Variants in FOXP1 observed in about 807,000 individuals in gnomAD.
FOXP1 encodes the protein forkhead box protein P1.
Under a neutral mutation model 98.2 loss-of-function variants are expected in FOXP1, and 15 were observed. The ratio of observed to expected loss-of-function variants is 0.15; its 90% CI spans 0.10 to 0.24. The LOEUF (loss-of-function observed/expected upper bound fraction) is 0.24, where lower values mean the gene tolerates loss of function less well. Among genes scored for constraint, FOXP1 ranks in the 10% least tolerant of loss-of-function variants. FOXP1 has a pLI of 1.00. For synonymous variants in FOXP1, 371 were observed against 314.5 expected, an observed-to-expected ratio of 1.18 and a Z score of -1.90; for missense variants, 633 against 848.5, an observed-to-expected ratio of 0.75 and a Z score of 3.15.
chr3:71,216,874 T>G (rs1353231927), intron 5 of FOXP1, among the ~76,000 whole-genome samples: 2 of 152,058 alleles, frequency 1.3e-5, no homozygotes, highest in Non-Finnish European at 2.9e-5. Flanking sequence ...GAGGACCATT[T>G]TGGTTGTCAC....
chr3:71,375,764 T>C (rs2079667257), intron 3 of FOXP1, among the ~76,000 whole-genome samples: 1 of 152,222 alleles, frequency 6.6e-6, no homozygotes, highest in African/African-American at 2.4e-5. Flanking sequence ...GTTGTTGATA[T>C]AAACAAAGCT....
chr3:71,041,759 T>C (rs573930346), intron 10 of FOXP1, among the ~76,000 whole-genome samples: 1 of 152,018 alleles, frequency 6.6e-6, no homozygotes, highest in East Asian at 1.9e-4. Context: ...AAGACTCAGG[T>C]GAAAGTGACT....
intron 11 of FOXP1, among the ~76,000 whole-genome samples, chr3:71,037,971 A>G (rs1159720129): frequency 2.0e-5 from 3 of 152,246 alleles, no homozygotes; most frequent in African/African-American, 7.2e-5. Context: ...TGATTTAATT[A>G]TAATTTTCCT....
chr3:70,993,577 G>C (rs1426513963), intron 13 of FOXP1, among the ~76,000 whole-genome samples: 1 of 152,214 alleles, frequency 6.6e-6, no homozygotes, highest in African/African-American at 2.4e-5. Context: ...GACTCTAAGA[G>C]GCCAGTGATA....
At chr3:71,365,930 C>G (rs1016888397) in intron 3 of FOXP1, among the ~76,000 whole-genome samples, 36 of 152,250 alleles carry the variant, frequency 2.4e-4, no homozygotes, top group African/African-American at 8.4e-4. Context: ...TTGCAGTGAG[C>G]CCACTGCACT....
At chr3:71,157,465 C>A (rs1044147790) in intron 6 of FOXP1, among the ~76,000 whole-genome samples, 2 of 152,106 alleles carry the variant, frequency 1.3e-5, no homozygotes, top group Non-Finnish European at 2.9e-5. Flanking sequence ...ACCTGCCCCA[C>A]AAAAAGGTGA....
At chr3:71,522,856 G>T (rs2043097315) in intron 2 of FOXP1, among the ~76,000 whole-genome samples, 1 of 152,156 alleles carries the variant, frequency 6.6e-6, no homozygotes, top group South Asian at 2.1e-4. Context: ...CTTTCCCATG[G>T]TTTTCCTTTC....
intron 2 of FOXP1, among the ~76,000 whole-genome samples, chr3:71,557,911 G>A (rs2046254659): frequency 6.6e-6 from 1 of 152,186 alleles, no homozygotes; most frequent in African/African-American, 2.4e-5. Flanking sequence ...CTGCCTCCCA[G>A]GTTCACGTGA....
intron 7 of FOXP1, among the ~76,000 whole-genome samples, chr3:71,097,358 T>C (rs2056560594): frequency 6.6e-6 from 1 of 152,214 alleles, no homozygotes; most frequent in Non-Finnish European, 1.5e-5. Context: ...CTATGGATAC[T>C]TTTACATGAC....
chr3:71,165,794 C>G (rs2061372512), intron 6 of FOXP1, among the ~76,000 whole-genome samples: 1 of 152,090 alleles, frequency 6.6e-6, no homozygotes, highest in Non-Finnish European at 1.5e-5. Context: ...CCACGAACCA[C>G]TTGGAGGTCT....
intron 7 of FOXP1, among the ~76,000 whole-genome samples, chr3:71,055,295 T>C (rs996169636): frequency 2.6e-5 from 4 of 152,280 alleles, no homozygotes; most frequent in East Asian, 1.9e-4. Flanking sequence ...GTTTCATGTG[T>C]GGGGATGTTG....
At chr3:71,443,442 C>G (rs2086129097) in intron 3 of FOXP1, among the ~76,000 whole-genome samples, 1 of 152,210 alleles carries the variant, frequency 6.6e-6, no homozygotes, top group African/African-American at 2.4e-5. Flanking sequence ...ACGTATTCCG[C>G]CTATCTAACC....
chr3:71,024,949 CT>C (rs1314064696), intron 11 of FOXP1, among the ~76,000 whole-genome samples: 2 of 152,156 alleles, frequency 1.3e-5, no homozygotes, highest in Non-Finnish European at 2.9e-5. Context: ...CAGGGCATGG[CT>C]CATGGCCAGT....
At chr3:71,383,642 G>C (rs2080345880) in intron 3 of FOXP1, among the ~76,000 whole-genome samples, 1 of 152,088 alleles carries the variant, frequency 6.6e-6, no homozygotes, top group Non-Finnish European at 1.5e-5. Context: ...AGAAAAAGCA[G>C]GGGTGTCTGT....
At chr3:71,481,366 T>G (rs1259811956) in intron 3 of FOXP1, among the ~76,000 whole-genome samples, 2 of 152,230 alleles carry the variant, frequency 1.3e-5, no homozygotes, top group African/African-American at 4.8e-5. Context: ...AAAGCCCAAA[T>G]TGTCTGGCCA....
chr3:71,487,635 G>T (rs767070204), intron 3 of FOXP1, among the ~76,000 whole-genome samples: 2 of 152,142 alleles, frequency 1.3e-5, no homozygotes, highest in Non-Finnish European at 2.9e-5. Context: ...ACAGAAAAGG[G>T]GAACTATAAA....
intron 5 of FOXP1, among the ~76,000 whole-genome samples, chr3:71,268,154 G>A (rs1182456142): frequency 2.6e-4 from 34 of 131,870 alleles, no homozygotes; most frequent in Non-Finnish European, 4.2e-4. Flanking sequence ...GCAGTGGCAC[G>A]ATCTCGGCTC....
intron 6 of FOXP1, among the ~76,000 whole-genome samples, chr3:71,143,287 G>A (rs2060157350): frequency 6.6e-6 from 1 of 152,294 alleles, no homozygotes; most frequent in Non-Finnish European, 1.5e-5. Context: ...CTAGAAAAGA[G>A]AAGAAGCATT....
At chr3:71,412,170 C>A (rs1201856386) in intron 3 of FOXP1, among the ~76,000 whole-genome samples, 1 of 152,086 alleles carries the variant, frequency 6.6e-6, no homozygotes, top group African/African-American at 2.4e-5. Flanking sequence ...AGGGACAGGT[C>A]GCATGGTGTA....
Sources: gnomAD v4.1 joint callset for allele counts (sites outside exome capture counted in the v4.1 genomes callset) on GRCh38, gnomAD v4.1.1 for gene constraint, MANE v1.5 for transcripts, NCBI Gene and HGNC (gene_info 2026-07-23, HGNC 2026-07-21) for gene names.